EIF2B3: variants seen among roughly 807,000 people sequenced by gnomAD.
EIF2B3 encodes eukaryotic translation initiation factor 2B subunit gamma.
EIF2B3 carries 20 observed loss-of-function variants against 54.1 expected under a neutral mutation model. The observed-to-expected ratio is 0.37, with a 90% CI of 0.26 to 0.54. EIF2B3 has a LOEUF of 0.54. Among genes scored for constraint, EIF2B3 ranks in the 20% least tolerant of loss-of-function variants. EIF2B3 has a pLI of 0.86. For missense variants in EIF2B3, 448 were observed against 547.8 expected, an observed-to-expected ratio of 0.82 and a Z score of 1.82; for synonymous variants, 153 against 188.1, an observed-to-expected ratio of 0.81 and a Z score of 1.52.
At chr1:44,862,961 T>C (rs1654659441) in intron 10 of EIF2B3, 1 of 152,194 alleles carries the variant, frequency 6.6e-6, no homozygotes, top group African/African-American at 2.4e-5. Context: ...TATTCCAATT[T>C]TTACAGAGAA....
At chr1:44,865,845 G>C (rs948914186) in intron 10 of EIF2B3, among the ~76,000 whole-genome samples, 1 of 152,056 alleles carries the variant, frequency 6.6e-6, no homozygotes, top group Non-Finnish European at 1.5e-5. Context: ...TGAGATTACA[G>C]GCATGAGCCA....
intron 3 of EIF2B3, among the ~76,000 whole-genome samples, chr1:44,961,640 G>A (rs1644285743): frequency 6.6e-6 from 1 of 152,008 alleles, no homozygotes; most frequent in South Asian, 2.1e-4. Context: ...AAGAGGACAG[G>A]TATCTTTTTT....
At chr1:44,877,214 A>AAAACAAAAC (rs1212728514) in intron 8 of EIF2B3, among the ~76,000 whole-genome samples, 3 of 148,436 alleles carry the variant, frequency 2.0e-5, no homozygotes, top group African/African-American at 7.6e-5. Flanking sequence ...AAAAAAAAAA[A>AAAACAAAAC]AAAAAAAACA....
chr1:44,929,560 A>T (rs949067532), intron 4 of EIF2B3, among the ~76,000 whole-genome samples: 3 of 152,236 alleles, frequency 2.0e-5, no homozygotes, highest in Non-Finnish European at 4.4e-5. Flanking sequence ...TTTGCAGAGA[A>T]TTTCAAATGC....
chr1:44,964,954 A>G (rs1385185318), intron 3 of EIF2B3, among the ~76,000 whole-genome samples: 1 of 152,202 alleles, frequency 6.6e-6, no homozygotes, highest in Non-Finnish European at 1.5e-5. Context: ...AAAGCACACA[A>G]AAACAGCACC....
At chr1:44,909,041 G>C (rs1643466290) in intron 5 of EIF2B3, among the ~76,000 whole-genome samples, 1 of 152,142 alleles carries the variant, frequency 6.6e-6, no homozygotes, top group Admixed American at 6.6e-5. Flanking sequence ...TGAATTTATA[G>C]TGCTGCCAAT....
intron 4 of EIF2B3, among the ~76,000 whole-genome samples, chr1:44,936,295 G>A (rs1250986337): frequency 6.6e-6 from 1 of 151,792 alleles, no homozygotes; most frequent in Non-Finnish European, 1.5e-5. Context: ...AAAGTTACAT[G>A]TGGGCTGGGC....
intron 3 of EIF2B3, among the ~76,000 whole-genome samples, chr1:44,975,644 C>T (rs1644445899): frequency 6.6e-6 from 1 of 152,120 alleles, no homozygotes; most frequent in African/African-American, 2.4e-5. Flanking sequence ...ACTATATATA[C>T]GATGTTCAAG....
intron 7 of EIF2B3, among the ~76,000 whole-genome samples, chr1:44,880,831 T>G (rs1655369237): frequency 6.6e-6 from 1 of 152,106 alleles, no homozygotes; most frequent in East Asian, 1.9e-4. Context: ...CGTGGTGGCG[T>G]GTGCCTGTAG....
At chr1:44,893,444 C>T (rs1022234244) in intron 6 of EIF2B3, among the ~76,000 whole-genome samples, 1 of 152,138 alleles carries the variant, frequency 6.6e-6, no homozygotes, top group Non-Finnish European at 1.5e-5. Context: ...CAGAGATATC[C>T]GACATCTGTG....
chr1:44,860,420 C>T (rs887037836), intron 10 of EIF2B3, among the ~76,000 whole-genome samples: 3 of 152,108 alleles, frequency 2.0e-5, no homozygotes, highest in African/African-American at 4.8e-5. Flanking sequence ...TGGTAGGTCT[C>T]GGATAGGAGC....
intron 5 of EIF2B3, among the ~76,000 whole-genome samples, chr1:44,924,779 A>G (rs1407205737): frequency 6.6e-6 from 1 of 152,056 alleles, no homozygotes; most frequent in Admixed American, 6.6e-5. Flanking sequence ...AAGTAGTTTT[A>G]TGGTTATACA....
intron 5 of EIF2B3, among the ~76,000 whole-genome samples, chr1:44,898,929 C>T (rs1195634583): frequency 2.0e-5 from 3 of 152,106 alleles, no homozygotes; most frequent in Non-Finnish European, 2.9e-5. Flanking sequence ...TGAGCTCAAG[C>T]AATCCCCCTA....
At chr1:44,937,587 T>C (rs973242506) in intron 4 of EIF2B3, among the ~76,000 whole-genome samples, 1 of 152,060 alleles carries the variant, frequency 6.6e-6, no homozygotes, top group Admixed American at 6.6e-5. Flanking sequence ...GGAAGCTGTG[T>C]AAAGACCTGC....
Position 44,897,417 on chromosome 1 carries a change from AC to A in EIF2B3, c.593del (p.Gly198ValfsTer10). The A allele has an allele frequency of 6.2e-7, 1 of 1,613,364 alleles. No homozygotes were observed. Among genetic ancestry groups the A allele is most frequent in the Non-Finnish European group, 8.5e-7 (1 of 1,179,800 alleles). On this transcript the variant is annotated frameshift_variant, in exon 6 of 12. Transcript: ENST00000360403. LOFTEE classifies it high-confidence loss of function. ...AACAGTAGAGGTGGGCATCCACAAGACCCGTGTGGAAACGTATTCTAGGATG... is the reference window on the plus strand; with the variant it reads ...AACAGTAGAGGTGGGCATCCACAAGACCGTGTGGAAACGTATTCTAGGATG... ...QKHPRIRFHT[G>X]LVDAHLYCLK...
chr1:44,951,160 C>T (rs954221106), intron 3 of EIF2B3, among the ~76,000 whole-genome samples: 2 of 152,110 alleles, frequency 1.3e-5, no homozygotes, highest in Non-Finnish European at 2.9e-5. Flanking sequence ...TTATACTCTA[C>T]TCCTTGGCAT....
chr1:44,851,964 T>C (rs1217536036), intron 11 of EIF2B3, among the ~76,000 whole-genome samples: 1 of 151,978 alleles, frequency 6.6e-6, no homozygotes, highest in Non-Finnish European at 1.5e-5. Flanking sequence ...TTTTTTTTTT[T>C]TTGAGATGGA....
At chr1:44,895,441 T>C (rs1019288161) in intron 6 of EIF2B3, among the ~76,000 whole-genome samples, 4 of 152,120 alleles carry the variant, frequency 2.6e-5, no homozygotes, top group South Asian at 2.1e-4. Flanking sequence ...TCCTCTTTGA[T>C]AGTATTAAGA....
At chr1:44,940,353 C>T (rs765743453) in intron 4 of EIF2B3, among the ~76,000 whole-genome samples, 3 of 151,892 alleles carry the variant, frequency 2.0e-5, no homozygotes, top group Admixed American at 6.6e-5. Flanking sequence ...AGGAAAAAAA[C>T]ACATCATTCA....
Sources: allele counts gnomAD v4.1 joint callset (sites outside exome capture counted in the v4.1 genomes callset), GRCh38; gene constraint gnomAD v4.1.1; transcripts MANE v1.5; gene names NCBI Gene and HGNC (gene_info 2026-07-23, HGNC 2026-07-21).